Variants in RAPGEF2 observed in about 807,000 individuals in gnomAD.
RAPGEF2 encodes Rap guanine nucleotide exchange factor 2.
RAPGEF2 carries 54 observed loss-of-function variants against 186.7 expected under a neutral mutation model. That is an observed-to-expected ratio of 0.29 (90% CI 0.23 to 0.36). RAPGEF2 has a LOEUF of 0.36. Ranked by LOEUF, RAPGEF2 falls within the 10% of genes least tolerant of loss-of-function variation. The pLI is 1.00. For synonymous variants in RAPGEF2, 712 were observed against 705.9 expected, an observed-to-expected ratio of 1.01 and a Z score of -0.14; for missense variants, 1,532 against 2,045.0, an observed-to-expected ratio of 0.75 and a Z score of 4.84.
intron 1 of RAPGEF2, among the ~76,000 whole-genome samples, chr4:159,183,518 A>T (rs1162116829): frequency 6.6e-6 from 1 of 152,212 alleles, no homozygotes; most frequent in South Asian, 2.1e-4. Flanking sequence ...GGTTTCTTAA[A>T]TATTACTCTA....
At chr4:159,190,854 G>A (rs920468420) in intron 2 of RAPGEF2, among the ~76,000 whole-genome samples, 1 of 152,206 alleles carries the variant, frequency 6.6e-6, no homozygotes, top group African/African-American at 2.4e-5. Flanking sequence ...TATGGGAACT[G>A]CAATTCAAGA....
intron 1 of RAPGEF2, among the ~76,000 whole-genome samples, chr4:159,134,884 G>C (rs1022380473): frequency 1.3e-5 from 2 of 152,154 alleles, no homozygotes; most frequent in African/African-American, 4.8e-5. Context: ...TCTGTCCTAA[G>C]CAACTACCAG....
chr4:159,300,363 C>G (rs1762506396), intron 7 of RAPGEF2, among the ~76,000 whole-genome samples: 1 of 151,560 alleles, frequency 6.6e-6, no homozygotes, highest in African/African-American at 2.4e-5. Flanking sequence ...AATTGTCATT[C>G]ACAGGTGGTG....
chr4:159,166,421 G>T (rs995399072), intron 1 of RAPGEF2, among the ~76,000 whole-genome samples: 3 of 152,216 alleles, frequency 2.0e-5, no homozygotes, highest in African/African-American at 7.2e-5. Flanking sequence ...GGTGAGGGGT[G>T]AGTGCGTCTA....
At chr4:159,131,989 A>G (rs373840051) in intron 1 of RAPGEF2, among the ~76,000 whole-genome samples, 61 of 152,258 alleles carry the variant, frequency 4.0e-4, no homozygotes, top group African/African-American at 1.3e-3. Flanking sequence ...CCAGATTTTA[A>G]TGGGTATATT....
At chr4:159,267,777 A>C in intron 7 of RAPGEF2, 1 of 1,008,062 alleles carries the variant, frequency 9.9e-7, no homozygotes. Flanking sequence ...GCAGTCAGCC[A>C]TTTTAGCTTT....
In RAPGEF2 at chr4:159,250,732, G is replaced by A. The variant is rs189784702; in HGVS notation, c.543+6941G>A. On this transcript the variant is annotated intron_variant, in intron 7 of 29. Coordinates refer to ENST00000691494, the MANE Select transcript of RAPGEF2 (RefSeq NM_001394067.2). Reference sequence around the variant, plus strand: ...GTCACCCAAGCTGGAGTGCAGTGGCGTCATCTTGGCTCACTGCAACTGAGA... The same window carrying A: ...GTCACCCAAGCTGGAGTGCAGTGGCATCATCTTGGCTCACTGCAACTGAGA... 3.8e-3 allele frequency among the ~76,000 whole-genome samples: 551 copies of A among 144,832 alleles called. 3 individuals are homozygous for A. Among genetic ancestry groups the A allele is most frequent in the African/African-American group, 0.013 (494 of 38,216 alleles).
intron 7 of RAPGEF2, among the ~76,000 whole-genome samples, chr4:159,276,351 G>A (rs1208661649): frequency 6.6e-6 from 1 of 152,158 alleles, no homozygotes; most frequent in East Asian, 1.9e-4. Context: ...TAAAGATATG[G>A]ATGCATAGGA....
chr4:159,159,215 C>T (rs975637971), intron 1 of RAPGEF2, among the ~76,000 whole-genome samples: 1 of 152,170 alleles, frequency 6.6e-6, no homozygotes, highest in African/African-American at 2.4e-5. Flanking sequence ...CTGGATCACG[C>T]AGCTGTTTAT....
intron 9 of RAPGEF2, among the ~76,000 whole-genome samples, chr4:159,317,987 A>C (rs1579915778): frequency 6.6e-6 from 1 of 152,136 alleles, no homozygotes; most frequent in South Asian, 2.1e-4. Flanking sequence ...TAGCTGAGAA[A>C]CCCTCTTTCC....
intron 8 of RAPGEF2, 125 bp from the exon 9 acceptor site, chr4:159,314,466 A>G (rs1764310511): frequency 3.5e-6 from 3 of 857,152 alleles, no homozygotes; most frequent in South Asian, 2.2e-5. Context: ...TGGTGCATAC[A>G]TAGTTGTTGG....
chr4:159,115,722 G>T (rs1020149383), intron 1 of RAPGEF2, among the ~76,000 whole-genome samples: 1 of 152,050 alleles, frequency 6.6e-6, no homozygotes, highest in Non-Finnish European at 1.5e-5. Flanking sequence ...GCATGGTACT[G>T]GTACAAAAAC....
At chr4:159,189,649 G>T (rs140611191) in intron 2 of RAPGEF2, among the ~76,000 whole-genome samples, 1 of 152,126 alleles carries the variant, frequency 6.6e-6, no homozygotes, top group East Asian at 1.9e-4. Context: ...AGTAGTAACC[G>T]AATTATGGTT....
chr4:159,318,324 G>A (rs1168765604), intron 9 of RAPGEF2, among the ~76,000 whole-genome samples: 2 of 152,138 alleles, frequency 1.3e-5, no homozygotes, highest in Non-Finnish European at 2.9e-5. Context: ...CATCCTCCAG[G>A]ATTTAGTTAA....
At chr4:159,135,553 T>A (rs1023807906) in intron 1 of RAPGEF2, among the ~76,000 whole-genome samples, 1 of 152,236 alleles carries the variant, frequency 6.6e-6, no homozygotes, top group African/African-American at 2.4e-5. Flanking sequence ...ACTATCCATA[T>A]ATCTTTGGTG....
intron 1 of RAPGEF2, among the ~76,000 whole-genome samples, chr4:159,133,884 A>G (rs7669336): frequency 0.39 from 59,821 of 151,568 alleles, 12,034 homozygotes; most frequent in African/African-American, 0.47. Flanking sequence ...CGCCTGGCCA[A>G]TTTTTTGTAT....
intron 1 of RAPGEF2, among the ~76,000 whole-genome samples, chr4:159,148,616 G>C (rs1330836209): frequency 2.6e-5 from 4 of 151,940 alleles, no homozygotes; most frequent in African/African-American, 9.7e-5. Context: ...ATTTAAAATG[G>C]ATTTTCACTG....
intron 10 of RAPGEF2, 134 bp from the exon 11 acceptor site, chr4:159,323,322 TTAA>T: frequency 1.6e-6 from 1 of 616,630 alleles, no homozygotes; most frequent in Non-Finnish European, 2.6e-6. Flanking sequence ...TGTGAACTTG[TTAA>T]ACAGTAAACT....
At chr4:159,271,719 A>G (rs1758157552) in intron 7 of RAPGEF2, among the ~76,000 whole-genome samples, 1 of 152,190 alleles carries the variant, frequency 6.6e-6, no homozygotes, top group South Asian at 2.1e-4. Context: ...CAGAGTTAGT[A>G]TTAACTAGTG....
Sources: allele counts gnomAD v4.1 joint callset (sites outside exome capture counted in the v4.1 genomes callset), GRCh38; gene constraint gnomAD v4.1.1; transcripts MANE v1.5; gene names NCBI Gene and HGNC (gene_info 2026-07-23, HGNC 2026-07-21).